SLC6A15: variants seen among roughly 807,000 people sequenced by gnomAD.
SLC6A15 encodes the protein solute carrier family 6 member 15.
Under a neutral mutation model 68.5 loss-of-function variants are expected in SLC6A15, and 33 were observed. The ratio of observed to expected loss-of-function variants is 0.48; its 90% confidence interval spans 0.37 to 0.64. The LOEUF (loss-of-function observed/expected upper bound fraction) is 0.64, where lower values mean the gene tolerates loss of function less well. Ranked by LOEUF, SLC6A15 falls within the 30% of genes least tolerant of loss-of-function variation. SLC6A15 has a pLI of 0.00. For synonymous variants in SLC6A15, 347 were observed against 301.0 expected, an observed-to-expected ratio of 1.15 and a Z score of -1.58; for missense variants, 747 against 874.3, an observed-to-expected ratio of 0.85 and a Z score of 1.84.
rs180950226 is a variant in SLC6A15 at position 84,899,492 on chromosome 12, A to C, written c.-188-7184T>G. On this transcript the variant is annotated intron_variant, in intron 1 of 11. Coordinates refer to ENST00000266682, the MANE Select transcript of SLC6A15 (RefSeq NM_182767.6). The stretch of plus-strand genomic sequence containing the variant: ...TGTAAATACTACCGTAGTCATGGAC[A>C]TTGGTTCCTAGTTTTCAGAACTATT... 3.3e-5 allele frequency among the ~76,000 whole-genome samples: 5 copies of C among 152,268 alleles called. No homozygotes were observed. The East Asian group carries it at 9.7e-4, about 29-fold the overall frequency.
At chr12:84,904,451 T>C (rs1392387555) in intron 1 of SLC6A15, among the ~76,000 whole-genome samples, 2 of 152,188 alleles carry the variant, frequency 1.3e-5, no homozygotes, top group Admixed American at 1.3e-4. Context: ...GTTTGTTGTG[T>C]AGCAATAGAT....
chr12:84,872,322 T>C (rs1479245860), intron 8 of SLC6A15, among the ~76,000 whole-genome samples: 1 of 152,164 alleles, frequency 6.6e-6, no homozygotes, highest in Non-Finnish European at 1.5e-5. Flanking sequence ...CTAATCATCA[T>C]TCTATGATGA....
rs1870793486 is a variant in SLC6A15 at position 84,860,328 on chromosome 12, T to C, written c.*1304A>G. The C allele has an allele frequency of 6.6e-6, 1 of 152,148 alleles. No homozygotes were observed. The highest frequency in any genetic ancestry group is 1.5e-5 in the Non-Finnish European group (1 of 67,972). The allele number at this position is 152,148 out of a possible 1,614,324, so 9.4% of individuals were successfully genotyped here. A position where few individuals can be genotyped will look rare whatever the true frequency, so the allele number is the denominator to read the frequency against. ...GGTTCCTCTGCTCTATCCAATTTCA[T>C]ATATACAACAGTTTTATTTAAAAAT... On this transcript the variant is annotated 3_prime_UTR_variant, in exon 12 of 12. Coordinates refer to ENST00000266682, the MANE Select transcript of SLC6A15 (RefSeq NM_182767.6).
intron 1 of SLC6A15, among the ~76,000 whole-genome samples, chr12:84,903,417 C>A (rs186197724): frequency 5.3e-5 from 8 of 151,976 alleles, no homozygotes; most frequent in Admixed American, 2.6e-4. Context: ...TACTAATATG[C>A]CCTAAAAAAC....
At chr12:84,872,566 G>A (rs746676411) in intron 8 of SLC6A15, 36 bp downstream of exon 8, 1 of 1,548,480 alleles carries the variant, frequency 6.5e-7, no homozygotes, top group Admixed American at 1.8e-5. Flanking sequence ...TCAAGTGAAT[G>A]ATAATTATTT....
intron 1 of SLC6A15, among the ~76,000 whole-genome samples, chr12:84,906,516 T>C (rs1448364178): frequency 6.6e-6 from 1 of 152,190 alleles, no homozygotes; most frequent in Non-Finnish European, 1.5e-5. Flanking sequence ...GGAATGATTC[T>C]ATCGAATTTT....
intron 8 of SLC6A15, 65 bp downstream of exon 8, chr12:84,872,537 C>T: frequency 7.2e-7 from 1 of 1,389,522 alleles, no homozygotes; most frequent in Admixed American, 2.0e-5. Flanking sequence ...TGAAGGGAGT[C>T]TGCTGGATAA....
At chr12:84,895,338 T>TG (rs1872594329) in intron 1 of SLC6A15, among the ~76,000 whole-genome samples, 8 of 125,856 alleles carry the variant, frequency 6.4e-5, no homozygotes, top group African/African-American at 2.7e-4. Context: ...TTTTTGTTTG[T>TG]ATTTTTTTTT....
Position 84,885,497 on chromosome 12 carries a change from T to C in SLC6A15, c.512A>G (p.Gln171Arg), listed in dbSNP as rs1254800156. 1.2e-6 allele frequency: 2 copies of C among 1,613,630 alleles called. No individual in the cohort carries two copies. The highest frequency in any genetic ancestry group is 3.3e-5 in the Admixed American group (2 of 60,010). ...IIGWSLFYFS[Q>R]SFQQPLPWDQ... ...CCAAGGCAGGGGTTGCTGAAAAGAC[T>C]GAGAAAAATAAAACAAACTCCAGCC... The change falls in exon 4 of 12, where the codon CAG (glutamine) becomes CGG (arginine). Residue 171 changes from glutamine to arginine, a missense_variant. Physicochemically the swap from Gln to Arg is conservative, Grantham distance 43. Coordinates refer to ENST00000266682, the MANE Select transcript of SLC6A15 (RefSeq NM_182767.6).
chr12:84,902,208 C>T (rs893325125), intron 1 of SLC6A15, among the ~76,000 whole-genome samples: 1 of 151,764 alleles, frequency 6.6e-6, no homozygotes, highest in African/African-American at 2.4e-5. Flanking sequence ...ATTACAGAGC[C>T]AATCAAAAGG....
At chr12:84,896,354 C>A (rs1028252494) in intron 1 of SLC6A15, among the ~76,000 whole-genome samples, 4 of 152,018 alleles carry the variant, frequency 2.6e-5, no homozygotes, top group Admixed American at 2.6e-4. Flanking sequence ...CAAATACAAC[C>A]CACCATCTGT....
At position 84,863,561 on chromosome 12, in the gene SLC6A15, TG is replaced by T; in HGVS notation, c.1695del (p.Ser566AlafsTer14). The T allele has an allele frequency of 6.3e-7, 1 of 1,584,932 alleles. No individual in the cohort carries two copies. Among genetic ancestry groups the T allele is most frequent in the Admixed American group, 1.9e-5 (1 of 52,132 alleles). ...EDLKDMLGFA[P>X]SRYYYYMWKY... The stretch of plus-strand genomic sequence containing the variant: ...TTCCACATATAGTAGTAATATCTGC[TG>T]GGAGCAAAGCCCAGCATATCTTTTA... On this transcript the variant is annotated frameshift_variant, in exon 11 of 12. Coordinates refer to ENST00000266682, the MANE Select transcript of SLC6A15 (RefSeq NM_182767.6). LOFTEE classifies it high-confidence loss of function.
At chr12:84,886,114 G>T in intron 2 of SLC6A15, 46 bp from the exon 3 acceptor site, 3 of 1,307,582 alleles carry the variant, frequency 2.3e-6, no homozygotes, top group Non-Finnish European at 3.3e-6. Context: ...CAATACAGTA[G>T]AAAATACACT....
chr12:84,886,588 A>G (rs1872113616), intron 2 of SLC6A15, among the ~76,000 whole-genome samples: 1 of 151,584 alleles, frequency 6.6e-6, no homozygotes, highest in Non-Finnish European at 1.5e-5. Context: ...TAGACTGAAA[A>G]AGAAAAAAAA....
At chr12:84,882,488 G>A (rs190410511) in intron 5 of SLC6A15, 1 of 927,858 alleles carries the variant, frequency 1.1e-6, no homozygotes, top group Non-Finnish European at 1.3e-6. Flanking sequence ...CAATTTACAA[G>A]TTAAAAAGTC....
intron 1 of SLC6A15, among the ~76,000 whole-genome samples, chr12:84,911,288 A>T (rs1223361446): frequency 6.6e-6 from 1 of 152,236 alleles, no homozygotes; most frequent in African/African-American, 2.4e-5. Context: ...CATTTCTCCC[A>T]TACGTCTTAA....
At chr12:84,875,581 G>A (rs149441606) in intron 6 of SLC6A15, among the ~76,000 whole-genome samples, 53 of 144,246 alleles carry the variant, frequency 3.7e-4, no homozygotes, top group African/African-American at 9.6e-4. Context: ...TTTTGAAATC[G>A]TATCTTTAGA....
chr12:84,904,850 T>C (rs1873063066), intron 1 of SLC6A15, among the ~76,000 whole-genome samples: 1 of 152,174 alleles, frequency 6.6e-6, no homozygotes, highest in Admixed American at 6.5e-5. Flanking sequence ...AATCAGTTCC[T>C]TAAAAAACAC....
At chr12:84,863,644 T>C in intron 10 of SLC6A15, 43 bp from the exon 11 acceptor site, 1 of 1,374,386 alleles carries the variant, frequency 7.3e-7, no homozygotes, top group Non-Finnish European at 9.6e-7. Flanking sequence ...AATTTAATAT[T>C]GCTAAACCTT....
Sources: gnomAD v4.1 joint callset for allele counts (sites outside exome capture counted in the v4.1 genomes callset) on GRCh38, gnomAD v4.1.1 for gene constraint, MANE v1.5 for transcripts, NCBI Gene and HGNC (gene_info 2026-07-23, HGNC 2026-07-21) for gene names.